STXBP5: variants seen among roughly 807,000 people sequenced by gnomAD.
The protein encoded by STXBP5 is syntaxin binding protein 5.
STXBP5 carries 50 observed loss-of-function variants against 152.4 expected under a neutral mutation model. The observed-to-expected ratio is 0.33, with a 90% CI of 0.26 to 0.42. STXBP5 has a LOEUF of 0.42. STXBP5 is among the 10% of genes least tolerant of loss of function. STXBP5 has a pLI of 1.00. For synonymous variants in STXBP5, 492 were observed against 494.7 expected (o/e 0.99, Z 0.07); for missense variants, 1,167 against 1,388.6 (o/e 0.84, Z 2.54).
At chr6:147,286,800 T>C (rs1223647841) in intron 8 of STXBP5, among the ~76,000 whole-genome samples, 2 of 152,042 alleles carry the variant, frequency 1.3e-5, no homozygotes. Context: ...TACCAGTTCC[T>C]TCTCCCTCAG....
At chr6:147,288,303 G>A (rs969972456) in intron 8 of STXBP5, among the ~76,000 whole-genome samples, 2 of 152,186 alleles carry the variant, frequency 1.3e-5, no homozygotes, top group Non-Finnish European at 2.9e-5. Flanking sequence ...TGTTGATTGT[G>A]CTGTAGCAAA....
At position 147,363,922 on chromosome 6, in the gene STXBP5, C is replaced by G. The variant is rs918584442; in HGVS notation, c.2916-79C>G. On this transcript the variant is annotated intron_variant, in intron 24 of 27. Coordinates refer to ENST00000321680, the MANE Select transcript of STXBP5 (RefSeq NM_001127715.4). The stretch of plus-strand genomic sequence containing the variant: ...CTAAATCATAAGATTTATGAGGTCT[C>G]TGCCATTTTTAACAATGATAGTGTG... 4 of 1,481,528 alleles carry G rather than the reference C, an allele frequency of 2.7e-6. No homozygotes were observed. The African/African-American group carries it at 4.2e-5, about 16-fold the overall frequency. 91.8% of individuals were successfully genotyped at this position (1,481,528 alleles called of 1,614,324 possible).
intron 21 of STXBP5, among the ~76,000 whole-genome samples, chr6:147,351,034 A>G (rs1489376508): frequency 2.0e-5 from 3 of 152,196 alleles, no homozygotes; most frequent in African/African-American, 4.8e-5. Flanking sequence ...CTTGTTCACA[A>G]AATGTTTTTG....
intron 22 of STXBP5, among the ~76,000 whole-genome samples, chr6:147,354,734 TTTAA>T (rs1256908348): frequency 3.9e-5 from 6 of 152,310 alleles, no homozygotes; most frequent in South Asian, 4.1e-4. Flanking sequence ...ATGTAAGTAA[TTTAA>T]TTAAAGTATG....
intron 21 of STXBP5, among the ~76,000 whole-genome samples, chr6:147,344,202 G>A (rs1216037093): frequency 1.3e-5 from 2 of 152,106 alleles, no homozygotes; most frequent in Non-Finnish European, 2.9e-5. Context: ...GTGCTGGAAA[G>A]TCTGTGTTTC....
rs34181841 is a variant in STXBP5, at chr6:147,363,405, A to G, written c.2616A>G (p.Pro872=). ...TGGATACCACAGGCTGCTTAATACC[A>G]CCTGCGTATGAACCCTGGAGAGAGC... is the stretch of plus-strand genomic sequence containing the variant. ...AFLDTTGCLI[P]PAYEPWREHN... is the part of the protein sequence containing the mutation. The change falls in exon 24 of 28, where the codon CCA becomes CCG. Residue 872 remains proline, a synonymous_variant. Transcript: ENST00000321680. 5,128 of 1,614,050 alleles carry G rather than the reference A, an allele frequency of 3.2e-3. 132 individuals are homozygous for G. The African/African-American group carries it at 0.059, about 18-fold the overall frequency.
At chr6:147,251,133 G>A (rs1266619030) in intron 4 of STXBP5, among the ~76,000 whole-genome samples, 1 of 152,202 alleles carries the variant, frequency 6.6e-6, no homozygotes, top group Non-Finnish European at 1.5e-5. Flanking sequence ...GCAGTCCACA[G>A]AGAGTGAGCC....
chr6:147,381,947 C>A (rs1196360415), intron 26 of STXBP5, among the ~76,000 whole-genome samples: 1 of 152,048 alleles, frequency 6.6e-6, no homozygotes, highest in Admixed American at 6.6e-5. Context: ...CTCTGGTATT[C>A]ATTAGTAGTG....
intron 2 of STXBP5, among the ~76,000 whole-genome samples, chr6:147,207,847 AC>A (rs1428743003): frequency 6.6e-6 from 1 of 152,134 alleles, no homozygotes; most frequent in Non-Finnish European, 1.5e-5. Context: ...TTTCCTTGTA[AC>A]ATCCAATCTG....
chr6:147,311,545 G>A lies in STXBP5; in HGVS notation c.1145+18G>A. On this transcript the variant is annotated intron_variant, in intron 11 of 27. Coordinates refer to ENST00000321680, the MANE Select transcript of STXBP5 (RefSeq NM_001127715.4). The stretch of plus-strand genomic sequence containing the variant: ...CAAAATGGGTAAGAAATAAAATTTG[G>A]TGAGTGATTCTATCAGTATGTGGTT... 6.3e-7 allele frequency: 1 copy of A among 1,587,136 alleles called. No individual in the cohort carries two copies. Among genetic ancestry groups the A allele is most frequent in the East Asian group, 2.2e-5 (1 of 44,582 alleles).
intron 16 of STXBP5, among the ~76,000 whole-genome samples, chr6:147,320,680 T>C (rs1782892196): frequency 6.6e-6 from 1 of 152,074 alleles, no homozygotes; most frequent in South Asian, 2.1e-4. Context: ...CTTTAATAGA[T>C]AATGTTATAT....
At chr6:147,380,173 TACACAC>T (rs58343558) in intron 26 of STXBP5, among the ~76,000 whole-genome samples, 1,566 of 143,134 alleles carry the variant, frequency 0.011, 19 homozygotes, top group South Asian at 0.045. Context: ...AATAGCCACG[TACACAC>T]ACACACACAC....
chr6:147,223,419 G>A (rs1264324683), intron 2 of STXBP5, among the ~76,000 whole-genome samples: 1 of 152,168 alleles, frequency 6.6e-6, no homozygotes, highest in African/African-American at 2.4e-5. Flanking sequence ...ATTTAGATGA[G>A]AGTAGAAAAT....
intron 4 of STXBP5, among the ~76,000 whole-genome samples, chr6:147,257,689 G>A (rs1227507936): frequency 6.6e-6 from 1 of 152,002 alleles, no homozygotes; most frequent in Non-Finnish European, 1.5e-5. Flanking sequence ...AAGTTTTGTT[G>A]GGGTCTTGTT....
intron 2 of STXBP5, among the ~76,000 whole-genome samples, chr6:147,229,048 T>C (rs925034091): frequency 2.6e-5 from 4 of 152,086 alleles, no homozygotes; most frequent in African/African-American, 7.2e-5. Flanking sequence ...GAAATAAATT[T>C]AAAAAGTCAA....
At chr6:147,346,046 A>G (rs1464162278) in intron 21 of STXBP5, among the ~76,000 whole-genome samples, 2 of 152,200 alleles carry the variant, frequency 1.3e-5, no homozygotes, top group African/African-American at 2.4e-5. Flanking sequence ...GCAAGGGTTG[A>G]AGAATACACA....
rs1244057075 is a variant in STXBP5, at chr6:147,359,150, G to A, written c.2372G>A (p.Arg791Gln). ...GTAACAAGCATTGACAAAGAATCCC[G>A]AGAAGCGATCTCCGCTCTTCATTTC... ...SSVTSIDKES[R>Q]EAISALHFCE... The change falls in exon 23 of 28, where the codon CGA becomes CAA. Residue 791 changes from arginine to glutamine, a missense_variant. By Grantham distance (43) the Arg-to-Gln change is conservative. Around this residue, in one of 3 missense-constraint regions of STXBP5, gnomAD observed 833 missense variants for 986.3 expected, o/e 0.84. Coordinates refer to ENST00000321680, the MANE Select transcript of STXBP5 (RefSeq NM_001127715.4). The A allele has an allele frequency of 5.0e-6, 8 of 1,613,952 alleles. No homozygotes were observed. The highest frequency in any genetic ancestry group is 2.2e-5 in the East Asian group (1 of 44,868).
intron 16 of STXBP5, among the ~76,000 whole-genome samples, chr6:147,320,861 A>G (rs1782901663): frequency 6.6e-6 from 1 of 152,142 alleles, no homozygotes; most frequent in African/African-American, 2.4e-5. Flanking sequence ...GAGAAAACCC[A>G]AGAACAAGAA....
intron 19 of STXBP5, among the ~76,000 whole-genome samples, chr6:147,335,852 C>G (rs991913949): frequency 7.2e-5 from 11 of 151,986 alleles, no homozygotes; most frequent in African/African-American, 2.7e-4. Flanking sequence ...CCTGTAAATT[C>G]TCAAAACAGA....
Sources: gnomAD v4.1 joint callset for allele counts (sites outside exome capture counted in the v4.1 genomes callset) on GRCh38, gnomAD v4.1.1 for gene constraint, gnomAD v4.1.1 regional missense constraint, MANE v1.5 for transcripts, NCBI Gene and HGNC (gene_info 2026-07-23, HGNC 2026-07-21) for gene names.